The following MICAL2 variants were observed in gnomAD, a reference collection of about 807,000 sequenced individuals.
MICAL2 encodes [F-actin]-monooxygenase MICAL2.
In MICAL2, 77 loss-of-function variants were observed where a neutral mutation model predicts 127.3. The ratio of observed to expected loss-of-function variants is 0.60; its 90% CI spans 0.50 to 0.73. MICAL2 has a LOEUF of 0.73. MICAL2 is among the 30% of genes least tolerant of loss of function. The pLI, the probability that MICAL2 is intolerant of heterozygous loss-of-function variation, is 0.00. For missense variants in MICAL2, 1,351 were observed against 1,434.4 expected (o/e 0.94, Z 0.94); for synonymous variants, 570 against 551.1 (o/e 1.03, Z -0.48).
At position 12,239,179 on chromosome 11, in the gene MICAL2, G is replaced by T. The variant is rs907170524; in HGVS notation, c.2065-257G>T. Among the ~76,000 whole-genome samples, 6 of 152,114 alleles carry T rather than the reference G, an allele frequency of 3.9e-5. No homozygotes were observed. The East Asian group carries it at 1.2e-3, about 29-fold the overall frequency. ...TAAAGTAAATCGCCAACATCACAGG[G>T]ATAAGAAATGAGAGTCGGGATTCAA... On this transcript the variant is annotated intron_variant, in intron 16 of 27. Coordinates refer to ENST00000683283, the MANE Select transcript of MICAL2 (RefSeq NM_001282663.2).
intron 3 of MICAL2, among the ~76,000 whole-genome samples, chr11:12,165,680 C>T (rs1290232287): frequency 2.0e-5 from 3 of 152,228 alleles, no homozygotes; most frequent in South Asian, 2.1e-4. Flanking sequence ...ATATGCTGAG[C>T]ACCATGCTCC....
chr11:12,111,963 G>C (rs1240019907), intron 1 of MICAL2, among the ~76,000 whole-genome samples: 1 of 152,226 alleles, frequency 6.6e-6, no homozygotes, highest in Non-Finnish European at 1.5e-5. Flanking sequence ...GCAGAGAGAA[G>C]ACGGACTTAT....
chr11:12,242,596 C>G (rs1590590050), intron 19 of MICAL2, 75 bp from the exon 20 acceptor site: 1 of 1,484,542 alleles, frequency 6.7e-7, no homozygotes, highest in Non-Finnish European at 9.4e-7. Flanking sequence ...CTCCCTCACC[C>G]ACTTCTTGGA....
intron 1 of MICAL2, among the ~76,000 whole-genome samples, chr11:12,130,759 G>A (rs1851347583): frequency 6.6e-6 from 1 of 151,924 alleles, no homozygotes; most frequent in African/African-American, 2.4e-5. Context: ...AGTGCACATG[G>A]CAGCATTTTA....
chr11:12,263,901 C>T (rs1863447414), downstream of MICAL2: 1 of 152,314 alleles, frequency 6.6e-6, no homozygotes, highest in Admixed American at 6.6e-5. Context: ...TGAGGTAACA[C>T]AGGACTCTCT....
chr11:12,293,676 T>C (rs373027456), downstream of MICAL2: 63 of 1,614,112 alleles, frequency 3.9e-5, no homozygotes, highest in African/African-American at 7.9e-4. Context: ...CCCCTGTATC[T>C]GCCTCATCAC....
intron 2 of MICAL2, among the ~76,000 whole-genome samples, chr11:12,146,361 A>G (rs987869634): frequency 6.6e-6 from 1 of 152,232 alleles, no homozygotes; most frequent in Admixed American, 6.5e-5. Context: ...ACTCAAACAA[A>G]TTTACAAGAA....
At chr11:12,268,048 C>CA (rs1488474814), downstream of MICAL2, among the ~76,000 whole-genome samples, 1 of 152,282 alleles carries the variant, frequency 6.6e-6, no homozygotes, top group South Asian at 2.1e-4. Context: ...AGTGGGCCCT[C>CA]AAAAAATATT....
chr11:12,168,314 TACAC>T (rs1471934922), intron 3 of MICAL2, among the ~76,000 whole-genome samples: 1 of 147,950 alleles, frequency 6.8e-6, no homozygotes, highest in Non-Finnish European at 1.5e-5. Context: ...CACACATACA[TACAC>T]ACATCACACA....
In MICAL2 at chr11:12,345,066, T is replaced by G. The variant is rs1245875268; in HGVS notation, c.5516-4772T>G. ...GGCGGAGCTTGCAGTGAGCCGAGAT[T>G]GCGCCACTGCACTCCAGCCTGGGCG... On this transcript the variant is annotated intron_variant, in intron 32 of 34. Coordinates refer to the MICAL2 transcript ENST00000646065. Among the ~76,000 whole-genome samples, 6 of 149,936 alleles carry G rather than the reference T, an allele frequency of 4.0e-5. No homozygotes were observed. The East Asian group carries it at 5.9e-4, about 15-fold the overall frequency.
At chr11:12,163,764 C>T (rs1239207127) in intron 3 of MICAL2, 1 of 152,216 alleles carries the variant, frequency 6.6e-6, no homozygotes, top group African/African-American at 2.4e-5. Context: ...CTCCCTTCCT[C>T]GTTGTTGTGA....
chr11:12,167,126 C>G (rs1855600507), intron 3 of MICAL2, among the ~76,000 whole-genome samples: 1 of 152,136 alleles, frequency 6.6e-6, no homozygotes, highest in South Asian at 2.1e-4. Flanking sequence ...AGGGTTCTTT[C>G]CACCACTCCC....
At chr11:12,319,909 C>A in intron 30 of MICAL2, 5 of 834,840 alleles carry the variant, frequency 6.0e-6, no homozygotes, top group Non-Finnish European at 1.0e-5. Context: ...CAGTGGTTTC[C>A]TTAGGAGGAT....
At chr11:12,294,991 C>A, downstream of MICAL2, 4 of 1,275,158 alleles carry the variant, frequency 3.1e-6, no homozygotes, top group Non-Finnish European at 4.0e-6. Context: ...ACTTTAAAGG[C>A]AAAAAATTTG....
At chr11:12,209,628 G>T in intron 6 of MICAL2, 30 bp downstream of exon 6, 2 of 1,567,420 alleles carry the variant, frequency 1.3e-6, no homozygotes, top group South Asian at 1.1e-5. Flanking sequence ...GTGTGGGAAT[G>T]GGGGGATGGG....
In MICAL2 at chr11:12,242,452, C is replaced by T. The variant is rs771399920; in HGVS notation, c.2556+20C>T. 1.3e-6 allele frequency: 2 copies of T among 1,585,140 alleles called. No individual in the cohort carries two copies. Among genetic ancestry groups the T allele is most frequent in the Non-Finnish European group, 8.6e-7 (1 of 1,163,452 alleles). On this transcript the variant is annotated intron_variant, in intron 19 of 27. Coordinates refer to ENST00000683283, the MANE Select transcript of MICAL2 (RefSeq NM_001282663.2). Reference sequence around the variant, plus strand: ...CTCCAGGTGAGAGACTCACTTTTTGCCCGTCTCTGTCCGTGTCTGGGTGAC... The same window carrying T: ...CTCCAGGTGAGAGACTCACTTTTTGTCCGTCTCTGTCCGTGTCTGGGTGAC...
intron 7 of MICAL2, among the ~76,000 whole-genome samples, chr11:12,215,668 T>C (rs1327413983): frequency 6.6e-6 from 1 of 152,240 alleles, no homozygotes; most frequent in African/African-American, 2.4e-5. Flanking sequence ...GTGTAAAATG[T>C]CTTGTGATTG....
At chr11:12,271,190 G>A (rs1013564033), upstream of MICAL2, among the ~76,000 whole-genome samples, 15 of 152,220 alleles carry the variant, frequency 9.9e-5, no homozygotes, top group African/African-American at 3.1e-4. Flanking sequence ...AAGCTGCTTC[G>A]TGCCACAGGC....
rs1159602159 is a variant in MICAL2, at chr11:12,256,975, A to G, written c.3142+4A>G. 1 of 1,610,488 alleles carries G rather than the reference A, an allele frequency of 6.2e-7. No individual in the cohort carries two copies. Among genetic ancestry groups the G allele is most frequent in the Admixed American group, 1.7e-5 (1 of 59,844 alleles). On this transcript the variant is annotated splice_donor_region_variant and intron_variant, in intron 24 of 27. Coordinates refer to ENST00000683283, the MANE Select transcript of MICAL2 (RefSeq NM_001282663.2). ...TACACCTTTGACTGCGATGAAGGTAACCCCAGGGGCCAGGGCAGCACTGGG... is the reference window on the plus strand; with the variant it reads ...TACACCTTTGACTGCGATGAAGGTAGCCCCAGGGGCCAGGGCAGCACTGGG...
Sources: allele counts gnomAD v4.1 joint callset (sites outside exome capture counted in the v4.1 genomes callset), GRCh38; gene constraint gnomAD v4.1.1; transcripts MANE v1.5; gene names NCBI Gene and HGNC (gene_info 2026-07-23, HGNC 2026-07-21).